The following ASB9 variants were observed in gnomAD, a reference collection of about 807,000 sequenced individuals.
ASB9 encodes ankyrin repeat and SOCS box containing 9, also known as ankyrin repeat and SOCS box protein 9.
Under a neutral mutation model 16.6 loss-of-function variants are expected in ASB9, and 5 were observed. The observed-to-expected ratio is 0.30, with a 90% CI of 0.16 to 0.63. The LOEUF (loss-of-function observed/expected upper bound fraction) is 0.63. Among genes scored for constraint, ASB9 ranks in the 30% least tolerant of loss-of-function variants. ASB9 has a pLI of 0.82. For missense variants in ASB9, 216 were observed against 229.4 expected (o/e 0.94, Z 0.38); for synonymous variants, 100 against 86.4 (o/e 1.16, Z -0.87).
At chrX:15,249,910 G>A (rs896414652) in intron 5 of ASB9, among the ~76,000 whole-genome samples, 8 of 112,195 alleles carry the variant, frequency 7.1e-5, no homozygotes, top group Admixed American at 6.6e-4. Flanking sequence ...AAGAGGTGAT[G>A]AAATGGTGTT....
chrX:15,259,215 T>C, intron 1 of ASB9: 1 of 253,803 alleles, frequency 3.9e-6, no homozygotes, highest in Non-Finnish European at 7.0e-6. Flanking sequence ...GACAGATTAC[T>C]CTATTTCTAT....
At chrX:15,267,417 A>AAATAT (rs780282231) in intron 1 of ASB9, among the ~76,000 whole-genome samples, 189 of 77,924 alleles carry the variant, frequency 2.4e-3, no homozygotes, top group African/African-American at 8.2e-3. Context: ...CTAAAAAAAA[A>AAATAT]ATATATATAT....
intron 2 of ASB9, among the ~76,000 whole-genome samples, chrX:15,256,267 A>G (rs1262137915): frequency 9.6e-6 from 1 of 104,048 alleles, no homozygotes; most frequent in Admixed American, 1.0e-4. Context: ...CAGCAGAGTT[A>G]GGTACTTCCA....
At chrX:15,246,475 GTTTTGTT>G (rs1171712254) in intron 6 of ASB9, among the ~76,000 whole-genome samples, 3 of 111,364 alleles carry the variant, frequency 2.7e-5, no homozygotes, top group African/African-American at 9.8e-5. Flanking sequence ...AACCATTGAT[GTTTTGTT>G]TTTTGTTTTT....
In ASB9 at chrX:15,269,857, C is replaced by T; in HGVS notation, c.18G>A (p.Gly6=). The T allele has an allele frequency of 8.3e-7, 1 of 1,205,610 alleles. No individual in the cohort carries two copies. The highest frequency in any genetic ancestry group is 1.7e-5 in the African/African-American group (1 of 57,622). Residue 6 remains glycine, a synonymous_variant, in exon 1 of 7, where the codon GGG becomes GGA. Transcript: ENST00000380488. MDGKQ[G]GMDGSKPAGP... ...CCGCGGGCTTGCTCCCATCCATGCC[C>T]CCTTGTTTGCCATCCATGATGCTCT...
chrX:15,256,593 C>T (rs1197658507), intron 2 of ASB9, among the ~76,000 whole-genome samples: 2 of 106,611 alleles, frequency 1.9e-5, no homozygotes, highest in African/African-American at 3.4e-5. Context: ...CTGGCTAACA[C>T]GGTGAAACCC....
intron 3 of ASB9, among the ~76,000 whole-genome samples, chrX:15,254,221 C>G (rs907567709): frequency 1.2e-4 from 13 of 112,405 alleles, no homozygotes. Flanking sequence ...AAATTGCTCA[C>G]TATCATTTCT....
At position 15,270,060 on chromosome X, in the gene ASB9, A is replaced by G; in HGVS notation, c.-186T>C. ...GGTAATCTGAGTGCTACCTGTGATC[A>G]GAGAGAGGCATGCGCTCGTGTACAC... On this transcript the variant is annotated 5_prime_UTR_variant, in exon 1 of 7. Coordinates refer to ENST00000380488, the MANE Select transcript of ASB9 (RefSeq NM_001031739.3). 5.4e-6 allele frequency: 2 copies of G among 370,170 alleles called. No individual in the cohort carries two copies. Among genetic ancestry groups the G allele is most frequent in the Middle Eastern group, 7.1e-4 (1 of 1,415 alleles). 30.5% of individuals were successfully genotyped at this position (370,170 alleles called of 1,213,427 possible).
chrX:15,270,081 T>TAC lies in ASB9; in HGVS notation c.-209_-208dup, dbSNP rs370190376. ...GATCAGAGAGAGGCATGCGCTCGTGTACACACACACACACACACACACACA... is the reference window on the plus strand; with the variant it reads ...GATCAGAGAGAGGCATGCGCTCGTGTACACACACACACACACACACACACACA... On this transcript the variant is annotated 5_prime_UTR_variant, in exon 1 of 7. Transcript: ENST00000380488. 0.015 allele frequency: 4,469 copies of TAC among 292,532 alleles called. 24 individuals carry two copies. The highest frequency in any genetic ancestry group is 0.033 in the African/African-American group (1,080 of 32,459). The allele number at this position is 292,532 out of a possible 1,213,427, so 24.1% of individuals were successfully genotyped here.
intron 4 of ASB9, among the ~76,000 whole-genome samples, chrX:15,250,875 C>T: frequency 9.0e-6 from 1 of 111,542 alleles, no homozygotes; most frequent in Non-Finnish European, 1.9e-5. Flanking sequence ...CGCCCGCCAC[C>T]ACACCCTGCT....
rs1402450914 is a variant in ASB9, at chrX:15,252,354, G to T, written c.333C>A (p.Val111=). The part of the protein sequence containing the change: ...DWHTPLFNAC[V]SGSWDCVNLL... The stretch of plus-strand genomic sequence containing the variant: ...AATTCACACAATCCCAGCTGCCGCT[G>T]ACACAAGCATTAAACAGTGGAGTGT... Residue 111 remains valine (V), a synonymous_variant, in exon 4 of 7, where the codon GTC becomes GTA. Coordinates refer to ENST00000380488, the MANE Select transcript of ASB9 (RefSeq NM_001031739.3). 11 of 1,211,218 alleles carry T rather than the reference G, an allele frequency of 9.1e-6. No individual in the cohort carries two copies. The highest frequency in any genetic ancestry group is 1.2e-5 in the Non-Finnish European group (11 of 895,251).
chrX:15,257,804 C>T (rs1227657899), intron 2 of ASB9, among the ~76,000 whole-genome samples: 1 of 112,253 alleles, frequency 8.9e-6, no homozygotes, highest in Non-Finnish European at 1.9e-5. Flanking sequence ...TCTCTTGAGC[C>T]TTGACTTTGG....
chrX:15,250,210 C>A (rs55748844), intron 5 of ASB9, among the ~76,000 whole-genome samples: 68 of 103,173 alleles, frequency 6.6e-4, no homozygotes, highest in Middle Eastern at 5.1e-3. Context: ...CATCATCATC[C>A]TCCTCCTCCT....
chrX:15,268,797 G>C (rs769425764), intron 1 of ASB9, among the ~76,000 whole-genome samples: 1 of 96,490 alleles, frequency 1.0e-5, no homozygotes, highest in South Asian at 6.2e-4. Flanking sequence ...CTGGGCCACA[G>C]AGCAAGACTC....
Position 15,250,405 on chromosome X carries a change from TGTTTTG to T in ASB9, c.568+19_568+24del. 2 of 1,192,643 alleles carry T rather than the reference TGTTTTG, an allele frequency of 1.7e-6. No individual in the cohort carries two copies. Among genetic ancestry groups the T allele is most frequent in the Non-Finnish European group, 2.3e-6 (2 of 885,640 alleles). Reference sequence around the variant, plus strand: ...TAATTTACTTTTCGTTTTCTTTTCTTGTTTTGGTTTGCTTTTTGCTTTACCTGACTC... The same window carrying T: ...TAATTTACTTTTCGTTTTCTTTTCTTGTTTGCTTTTTGCTTTACCTGACTC... On this transcript the variant is annotated intron_variant, in intron 5 of 6. Coordinates refer to ENST00000380488, the MANE Select transcript of ASB9 (RefSeq NM_001031739.3).
intron 4 of ASB9, among the ~76,000 whole-genome samples, chrX:15,251,903 T>C (rs954668166): frequency 8.9e-6 from 1 of 112,550 alleles, no homozygotes; most frequent in Non-Finnish European, 1.9e-5. Flanking sequence ...TCCACAAATA[T>C]TGATGGATAG....
intron 5 of ASB9, among the ~76,000 whole-genome samples, chrX:15,249,902 G>C (rs1056369272): frequency 4.5e-5 from 5 of 112,128 alleles, no homozygotes; most frequent in Non-Finnish European, 7.5e-5. Context: ...GATAATTAAA[G>C]AGGTGATGAA....
At position 15,244,642 on chromosome X, in the gene ASB9, T is replaced by A; in HGVS notation, c.761-12A>T. On this transcript the variant is annotated splice_polypyrimidine_tract_variant and intron_variant, in intron 6 of 6. Coordinates refer to ENST00000380488, the MANE Select transcript of ASB9 (RefSeq NM_001031739.3). ...CAAAGAAGGGGGCCCTGGAGAAAGA[T>A]CATAAGACAAGTCATACAATGGTGC... 1 of 1,194,461 alleles carries A rather than the reference T, an allele frequency of 8.4e-7. No homozygotes were observed. The highest frequency in any genetic ancestry group is 3.0e-5 in the East Asian group (1 of 33,452).
intron 1 of ASB9, among the ~76,000 whole-genome samples, chrX:15,266,828 C>T (rs1266424446): frequency 9.3e-6 from 1 of 108,080 alleles, no homozygotes; most frequent in African/African-American, 3.4e-5. Context: ...CCCAGCTACT[C>T]AGGAGGCTGA....
Sources: allele counts gnomAD v4.1 joint callset (sites outside exome capture counted in the v4.1 genomes callset), GRCh38; gene constraint gnomAD v4.1.1; transcripts MANE v1.5; gene names NCBI Gene and HGNC (gene_info 2026-07-23, HGNC 2026-07-21).